Variants in SH3GL2 observed in about 807,000 individuals in gnomAD.
The protein encoded by SH3GL2 is endophilin-A1.
In SH3GL2, 24 loss-of-function variants were observed where a neutral mutation model predicts 46.0. The observed-to-expected ratio is 0.52, with a 90% CI of 0.38 to 0.73. SH3GL2 has a LOEUF of 0.73. SH3GL2 is among the 30% of genes least tolerant of loss of function. The pLI, the probability that SH3GL2 is intolerant of heterozygous loss-of-function variation, is 0.00. For missense variants in SH3GL2, 413 were observed against 424.2 expected (o/e 0.97, Z 0.23); for synonymous variants, 196 against 147.1 (o/e 1.33, Z -2.40).
chr9:17,743,772 C>T (rs1298986476), intron 1 of SH3GL2, among the ~76,000 whole-genome samples: 3 of 152,140 alleles, frequency 2.0e-5, no homozygotes, highest in African/African-American at 7.2e-5. Flanking sequence ...TAAAATCACT[C>T]TATATTTAAC....
intron 2 of SH3GL2, among the ~76,000 whole-genome samples, chr9:17,752,979 C>T (rs926842771): frequency 1.3e-5 from 2 of 152,110 alleles, no homozygotes; most frequent in African/African-American, 4.8e-5. Flanking sequence ...TCTCTTCCTG[C>T]ATTAGTTTGC....
At chr9:17,747,500 T>A (rs1588297714) in intron 2 of SH3GL2, among the ~76,000 whole-genome samples, 1 of 152,104 alleles carries the variant, frequency 6.6e-6, no homozygotes, top group South Asian at 2.1e-4. Flanking sequence ...AGAGTTTAAG[T>A]CACTTTCTGG....
intron 1 of SH3GL2, among the ~76,000 whole-genome samples, chr9:17,602,483 G>T (rs958860591): frequency 2.0e-5 from 3 of 152,146 alleles, no homozygotes; most frequent in African/African-American, 7.2e-5. Flanking sequence ...CAGCCACCTT[G>T]CCTCTTTCAC....
intron 1 of SH3GL2, among the ~76,000 whole-genome samples, chr9:17,718,315 A>G (rs1279387499): frequency 6.6e-6 from 1 of 152,166 alleles, no homozygotes; most frequent in African/African-American, 2.4e-5. Context: ...TGCCAACGAT[A>G]TGAAAAACAA....
chr9:17,794,719 C>G (rs747241835), intron 8 of SH3GL2, among the ~76,000 whole-genome samples: 4 of 152,170 alleles, frequency 2.6e-5, no homozygotes, highest in Non-Finnish European at 5.9e-5. Context: ...TGGAATAGAT[C>G]CCTCTTAAGA....
chr9:17,682,840 G>T (rs1179891113), intron 1 of SH3GL2, among the ~76,000 whole-genome samples: 4 of 152,084 alleles, frequency 2.6e-5, no homozygotes, highest in African/African-American at 9.7e-5. Context: ...TTAACATGAT[G>T]TATGTGTATT....
Position 17,738,575 on chromosome 9 carries a change from T to TAGAGAGAGAG in SH3GL2, c.46-8481_46-8472dup, listed in dbSNP as rs142654925. Among the ~76,000 whole-genome samples, 11 of 108,264 alleles carry TAGAGAGAGAG rather than the reference T, an allele frequency of 1.0e-4. No individual in the cohort carries two copies. In the South Asian group the frequency reaches 2.7e-3, roughly 27 times the overall value. 71.0% of individuals were successfully genotyped at this position (108,264 alleles called of 152,430 possible). On this transcript the variant is annotated intron_variant, in intron 1 of 8. Transcript: ENST00000380607. ...GTGTGTATATACATACATATATATA[T>TAGAGAGAGAG]AGAGAGAGAGAGAGAGAGAATTTTA...
chr9:17,632,333 T>G (rs887495193), intron 1 of SH3GL2, among the ~76,000 whole-genome samples: 1 of 152,202 alleles, frequency 6.6e-6, no homozygotes, highest in African/African-American at 2.4e-5. Context: ...TTGCATTTTC[T>G]TTCCATCTTG....
intron 3 of SH3GL2, among the ~76,000 whole-genome samples, chr9:17,784,516 A>G (rs1024808572): frequency 6.6e-6 from 1 of 151,958 alleles, no homozygotes; most frequent in Non-Finnish European, 1.5e-5. Context: ...TTTTCATTTT[A>G]TTCGTGCTGT....
At chr9:17,658,328 G>C (rs1820138961) in intron 1 of SH3GL2, among the ~76,000 whole-genome samples, 1 of 152,188 alleles carries the variant, frequency 6.6e-6, no homozygotes. Context: ...ACCTGTTTTA[G>C]TAGCAAATTA....
intron 1 of SH3GL2, chr9:17,735,688 C>T (rs1205191436): frequency 4.4e-6 from 3 of 675,496 alleles, no homozygotes; most frequent in Non-Finnish European, 3.7e-6. Context: ...CAATCCCCTG[C>T]ATACACTGAG....
intron 1 of SH3GL2, among the ~76,000 whole-genome samples, chr9:17,585,828 G>C (rs75924204): frequency 6.6e-6 from 1 of 152,146 alleles, no homozygotes; most frequent in Non-Finnish European, 1.5e-5. Context: ...CACAGTTAGC[G>C]TATGTGGGAA....
intron 1 of SH3GL2, among the ~76,000 whole-genome samples, chr9:17,697,355 T>G (rs970841015): frequency 6.6e-6 from 1 of 151,796 alleles, no homozygotes; most frequent in Non-Finnish European, 1.5e-5. Flanking sequence ...ACCTGAGTAG[T>G]TGGGATTACA....
At chr9:17,693,542 T>C (rs1405806046) in intron 1 of SH3GL2, among the ~76,000 whole-genome samples, 1 of 151,896 alleles carries the variant, frequency 6.6e-6, no homozygotes, top group African/African-American at 2.4e-5. Context: ...GCGAATGGTG[T>C]AAAGCTTCTT....
chr9:17,737,372 G>A (rs924944753), intron 1 of SH3GL2, among the ~76,000 whole-genome samples: 1 of 152,080 alleles, frequency 6.6e-6, no homozygotes, highest in Non-Finnish European at 1.5e-5. Flanking sequence ...AAGAAAAAAA[G>A]TAAATGAATA....
chr9:17,759,770 C>T (rs1823114444), intron 2 of SH3GL2, among the ~76,000 whole-genome samples: 1 of 152,146 alleles, frequency 6.6e-6, no homozygotes, highest in Non-Finnish European at 1.5e-5. Flanking sequence ...AATTTAATTC[C>T]TATGGCACTC....
intron 1 of SH3GL2, among the ~76,000 whole-genome samples, chr9:17,602,353 G>T (rs1818686767): frequency 6.6e-6 from 1 of 152,212 alleles, no homozygotes; most frequent in South Asian, 2.1e-4. Flanking sequence ...TGAAAACCCA[G>T]TCAGTTCATT....
At chr9:17,707,179 C>CAT (rs1821492637) in intron 1 of SH3GL2, among the ~76,000 whole-genome samples, 1 of 151,952 alleles carries the variant, frequency 6.6e-6, no homozygotes, top group African/African-American at 2.4e-5. Context: ...GGGCAAGACC[C>CAT]TTGACTCTCT....
intron 1 of SH3GL2, among the ~76,000 whole-genome samples, chr9:17,651,036 TGAGA>T (rs142590560): frequency 7.1e-4 from 108 of 152,220 alleles, no homozygotes; most frequent in African/African-American, 2.6e-3. Flanking sequence ...TGTGTGTGTG[TGAGA>T]GAGACATAGA....
Sources: allele counts gnomAD v4.1 joint callset (sites outside exome capture counted in the v4.1 genomes callset), GRCh38; gene constraint gnomAD v4.1.1; transcripts MANE v1.5; gene names NCBI Gene and HGNC (gene_info 2026-07-23, HGNC 2026-07-21).